KLC1: variants seen among roughly 807,000 people sequenced by gnomAD.
KLC1 encodes the protein kinesin light chain 1.
Under a neutral mutation model 84.2 loss-of-function variants are expected in KLC1, and 30 were observed. The ratio of observed to expected loss-of-function variants is 0.36; its 90% CI spans 0.27 to 0.48. The LOEUF (loss-of-function observed/expected upper bound fraction) is 0.48. Among genes scored for constraint, KLC1 ranks in the 20% least tolerant of loss-of-function variants. KLC1 has a pLI of 0.99. For missense variants in KLC1, 499 were observed against 805.4 expected (o/e 0.62, Z 4.60); for synonymous variants, 289 against 293.3 (o/e 0.99, Z 0.15).
At chr14:103,687,301 T>G in intron 14 of KLC1, 90 bp downstream of exon 14, 1 of 1,314,012 alleles carries the variant, frequency 7.6e-7, no homozygotes, top group Non-Finnish European at 1.0e-6. Context: ...CCCACAGACT[T>G]GAGGAAAGAC....
chr14:103,690,966 T>C (rs17101760), intron 14 of KLC1, among the ~76,000 whole-genome samples: 2,786 of 152,286 alleles, frequency 0.018, 76 homozygotes, highest in African/African-American at 0.059. Context: ...TAAAGTTGAT[T>C]TCCCAGCTTT....
At position 103,669,433 on chromosome 14, in the gene KLC1, A is replaced by T. The variant is rs183093467; in HGVS notation, c.798-78A>T. The T allele has an allele frequency of 5.6e-5, 44 of 786,438 alleles. 1 individual carries two copies. The East Asian group carries it at 1.1e-3, about 19-fold the overall frequency. The allele number at this position is 786,438 out of a possible 1,614,324, so 48.7% of individuals were successfully genotyped here. The stretch of plus-strand genomic sequence containing the variant: ...TGTGCAACAGAGTCAGACTCTGTCT[A>T]AAAAAAAAGAAAAGAAAAGAAAAGA... On this transcript the variant is annotated intron_variant, in intron 5 of 16. Transcript: ENST00000334553.
intron 12 of KLC1, among the ~76,000 whole-genome samples, chr14:103,678,603 T>C (rs998522566): frequency 6.6e-6 from 1 of 151,368 alleles, no homozygotes; most frequent in Non-Finnish European, 1.5e-5. Context: ...GGTGGGAGGA[T>C]CGCTTGAACC....
chr14:103,683,300 G>A (rs1292631601), intron 13 of KLC1: 2 of 152,134 alleles, frequency 1.3e-5, no homozygotes, highest in African/African-American at 4.8e-5. Context: ...AGGTACACAC[G>A]GTAGGGACTA....
At chr14:103,676,957 C>T (rs2080947653) in intron 11 of KLC1, among the ~76,000 whole-genome samples, 1 of 152,184 alleles carries the variant, frequency 6.6e-6, no homozygotes, top group Admixed American at 6.5e-5. Flanking sequence ...GCCCTCACAC[C>T]CCACTGATAA....
intron 1 of KLC1, among the ~76,000 whole-genome samples, chr14:103,638,563 C>T (rs1345311044): frequency 1.3e-5 from 2 of 151,788 alleles, no homozygotes; most frequent in Admixed American, 6.6e-5. Flanking sequence ...AAGCTTTCCC[C>T]ACCTGGCTGA....
chr14:103,649,567 A>AT (rs796966191), intron 1 of KLC1, among the ~76,000 whole-genome samples: 57 of 148,862 alleles, frequency 3.8e-4, no homozygotes, highest in African/African-American at 1.3e-3. Context: ...CATCTCAAAA[A>AT]AAAAAAAAAA....
rs1205011494 is a variant in KLC1 at position 103,699,461 on chromosome 14, T to C, written c.1849-1194T>C. The C allele has an allele frequency of 6.2e-7, 1 of 1,612,910 alleles. No individual in the cohort carries two copies. Among genetic ancestry groups the C allele is most frequent in the Non-Finnish European group, 8.5e-7 (1 of 1,179,970 alleles). The stretch of plus-strand genomic sequence containing the variant: ...ATGCCTGGCCCTGGGGGCGGAGGCC[T>C]GGCTGTCAAATTCACAGCGGAATGG... On this transcript the variant is annotated intron_variant, in intron 15 of 16. Coordinates refer to ENST00000334553, the MANE Select transcript of KLC1 (RefSeq NM_001394837.1).
intron 1 of KLC1, among the ~76,000 whole-genome samples, chr14:103,632,996 A>G: frequency 6.6e-6 from 1 of 151,884 alleles, no homozygotes; most frequent in Non-Finnish European, 1.5e-5. Context: ...CGAGGTTAGG[A>G]AAGGCCTTGA....
rs1595413002 is a variant in KLC1 at position 103,662,102 on chromosome 14, G to C, written c.493-14G>C. On this transcript the variant is annotated splice_polypyrimidine_tract_variant and intron_variant, in intron 3 of 16. Coordinates refer to ENST00000334553, the MANE Select transcript of KLC1 (RefSeq NM_001394837.1). Reference sequence around the variant, plus strand: ...ACGTGTAAGATGAAGTGTTGTCCTGGGTCTGTTTTATAGGAGGACAAAGAC... The same window carrying C: ...ACGTGTAAGATGAAGTGTTGTCCTGCGTCTGTTTTATAGGAGGACAAAGAC... 6.2e-7 allele frequency: 1 copy of C among 1,600,368 alleles called. No individual in the cohort carries two copies. The highest frequency in any genetic ancestry group is 8.6e-7 in the Non-Finnish European group (1 of 1,167,524).
In KLC1 at chr14:103,669,645, A is replaced by G. The variant is rs759905117; in HGVS notation, c.885+47A>G. 2.7e-5 allele frequency: 34 copies of G among 1,269,040 alleles called. No homozygotes were observed. In the South Asian group the frequency reaches 3.4e-4, roughly 13 times the overall value. The allele number at this position is 1,269,040 out of a possible 1,614,324, so 78.6% of individuals were successfully genotyped here. A position where few individuals can be genotyped will look rare whatever the true frequency, so the allele number is the denominator to read the frequency against. On this transcript the variant is annotated intron_variant, in intron 6 of 16. Transcript: ENST00000334553. ...ATTCTTTTAATATTTTATTTTCCCCATATATTTCTTTTATCCAACTCATTT... is the reference window on the plus strand; with the variant it reads ...ATTCTTTTAATATTTTATTTTCCCCGTATATTTCTTTTATCCAACTCATTT...
At position 103,700,674 on chromosome 14, in the gene KLC1, CT is replaced by C; in HGVS notation, c.1873del (p.Cys625ValfsTer17). 1.2e-6 allele frequency: 2 copies of C among 1,607,758 alleles called. No homozygotes were observed. Among genetic ancestry groups the C allele is most frequent in the Non-Finnish European group, 8.5e-7 (1 of 1,177,602 alleles). ...CTCCAGGGCGTCTCTGGCCGAGCCT[CT>C]TTTTGTGGAAAACGACAGCAGCAGC... is the stretch of plus-strand genomic sequence containing the variant. Reference protein sequence around the residue: ...DRFQGVSGRASFCGKRQQQQW... With the variant: ...DRFQGVSGRAXFCGKRQQQQW... On this transcript the variant is annotated frameshift_variant, in exon 16 of 17. Transcript: ENST00000334553. LOFTEE classifies it high-confidence loss of function.
At chr14:103,634,242 A>G (rs1236410581) in intron 1 of KLC1, among the ~76,000 whole-genome samples, 1 of 152,102 alleles carries the variant, frequency 6.6e-6, no homozygotes, top group Non-Finnish European at 1.5e-5. Context: ...CTCCACAAGG[A>G]TGGGGAGTTT....
At chr14:103,692,936 A>C (rs1468788984) in intron 15 of KLC1, among the ~76,000 whole-genome samples, 1 of 152,244 alleles carries the variant, frequency 6.6e-6, no homozygotes, top group Non-Finnish European at 1.5e-5. Flanking sequence ...CATCAGGTTT[A>C]CATCTGAAAG....
In KLC1 at chr14:103,662,683, G is replaced by A. The variant is rs1276185774; in HGVS notation, c.572-19G>A. 6.5e-7 allele frequency: 1 copy of A among 1,531,748 alleles called. No homozygotes were observed. The highest frequency in any genetic ancestry group is 2.3e-5 in the East Asian group (1 of 43,788). The allele number at this position is 1,531,748 out of a possible 1,614,324, so 94.9% of individuals were successfully genotyped here. On this transcript the variant is annotated intron_variant, in intron 4 of 16. Transcript: ENST00000334553. Reference sequence around the variant, plus strand: ...AATTGTCTTTAAAAACCCATCTGAAGTGAACTTTCTCGGTGCAGTCCAGCA... The same window carrying A: ...AATTGTCTTTAAAAACCCATCTGAAATGAACTTTCTCGGTGCAGTCCAGCA...
At chr14:103,650,342 A>G (rs1432975737) in intron 1 of KLC1, among the ~76,000 whole-genome samples, 1 of 152,128 alleles carries the variant, frequency 6.6e-6, no homozygotes, top group African/African-American at 2.4e-5. Flanking sequence ...AAGCTGCTTC[A>G]TTCATTCATT....
chr14:103,685,425 G>A, intron 13 of KLC1: 1 of 1,204,536 alleles, frequency 8.3e-7, no homozygotes. Context: ...GAATGGACCA[G>A]TCTGGATTCT....
At position 103,693,906 on chromosome 14, in the gene KLC1, T is replaced by C. The variant is rs553043722; in HGVS notation, c.1848+1481T>C. The C allele has an allele frequency of 3.6e-5, 47 of 1,290,322 alleles. 1 individual carries two copies. The Middle Eastern group carries it at 2.4e-3, about 65-fold the overall frequency. 79.9% of individuals were successfully genotyped at this position (1,290,322 alleles called of 1,614,324 possible). A position where few individuals can be genotyped will look rare whatever the true frequency, so the allele number is the denominator to read the frequency against. On this transcript the variant is annotated intron_variant, in intron 15 of 16. Transcript: ENST00000334553. The surrounding 1 kb of genome is among the most constrained non-coding windows in gnomAD (Gnocchi z 5.1). ...TGAGGTGGCTTCAGCACGCTGGGGA[T>C]TGGCTCCTGCTCACGGATGCTGTTG... is the stretch of plus-strand genomic sequence containing the variant.
In KLC1 at chr14:103,684,234, A is replaced by G. The variant is rs141309575; in HGVS notation, c.1651-2847A>G. On this transcript the variant is annotated intron_variant, in intron 13 of 16. Transcript: ENST00000334553. Reference sequence around the variant, plus strand: ...AAAAATAAATAAACTTAAGCACTAAATTATCTGAGATCCTACTGTATACAG... The same window carrying G: ...AAAAATAAATAAACTTAAGCACTAAGTTATCTGAGATCCTACTGTATACAG... 2.6e-5 allele frequency among the ~76,000 whole-genome samples: 4 copies of G among 152,330 alleles called. No homozygotes were observed. The East Asian group carries it at 7.7e-4, about 29-fold the overall frequency.
Sources: gnomAD v4.1 joint callset for allele counts (sites outside exome capture counted in the v4.1 genomes callset) on GRCh38, gnomAD v4.1.1 for gene constraint, Gnocchi (gnomAD v3.1) non-coding constraint, MANE v1.5 for transcripts, NCBI Gene and HGNC (gene_info 2026-07-23, HGNC 2026-07-21) for gene names.